The following TRHDE variants were observed in gnomAD, a reference collection of about 807,000 sequenced individuals.
TRHDE encodes the protein thyrotropin-releasing hormone-degrading ectoenzyme.
Under a neutral mutation model 125.7 loss-of-function variants are expected in TRHDE, and 72 were observed. That is an observed-to-expected ratio of 0.57 (90% CI 0.47 to 0.70). The LOEUF (loss-of-function observed/expected upper bound fraction) is 0.70. Among genes scored for constraint, TRHDE ranks in the 30% least tolerant of loss-of-function variants. The probability of loss-of-function intolerance (pLI) is 0.00; values close to 1 mark genes in which losing one functional copy is unlikely to be tolerated. For synonymous variants in TRHDE, 509 were observed against 509.1 expected (o/e 1.00, Z 0.00); for missense variants, 1,110 against 1,327.1 (o/e 0.84, Z 2.54).
intron 2 of TRHDE, among the ~76,000 whole-genome samples, chr12:72,181,264 T>C (rs905665038): frequency 4.6e-5 from 7 of 152,124 alleles, no homozygotes; most frequent in African/African-American, 1.7e-4. Context: ...TTAAAATGCT[T>C]TCTACGCAGA....
At position 72,093,939 on chromosome 12, in the gene TRHDE, C is replaced by T. The variant is rs531541932; in HGVS notation, n.174+6500C>T. On this transcript the variant is annotated intron_variant and non_coding_transcript_variant, in intron 1 of 4. Coordinates refer to the TRHDE transcript ENST00000548156. ...GCATTGGTATCTGTATTTGAAGGAG[C>T]AAATGTCTTTTCCAGTTTTACAGAC... is the stretch of plus-strand genomic sequence containing the variant. 9.2e-5 allele frequency among the ~76,000 whole-genome samples: 14 copies of T among 152,244 alleles called. No individual in the cohort carries two copies. The South Asian group carries it at 2.9e-3, about 32-fold the overall frequency.
chr12:72,404,497 A>G (rs911383397), intron 3 of TRHDE, among the ~76,000 whole-genome samples: 4 of 152,208 alleles, frequency 2.6e-5, no homozygotes, highest in Admixed American at 2.6e-4. Context: ...GATTTGTTAT[A>G]AAGGAAAGAG....
rs533129658 is a variant in TRHDE at position 72,460,310 on chromosome 12, G to A, written c.1316-9448G>A. ...ATGATGGGTAGAGAGGATCAGTAAT[G>A]TGCTGGGGCAGAATTGAGTTCATGT... On this transcript the variant is annotated intron_variant, in intron 3 of 18. Transcript: ENST00000261180. Among the ~76,000 whole-genome samples, 13 of 152,310 alleles carry A rather than the reference G, an allele frequency of 8.5e-5. No individual in the cohort carries two copies. In the East Asian group the frequency reaches 2.3e-3, roughly 27 times the overall value.
chr12:72,544,829 C>A (rs185829273), intron 7 of TRHDE, among the ~76,000 whole-genome samples: 39 of 151,500 alleles, frequency 2.6e-4, no homozygotes, highest in Admixed American at 1.9e-3. Flanking sequence ...TGGGTTAGTT[C>A]ACATACTCAT....
intron 2 of TRHDE, among the ~76,000 whole-genome samples, chr12:72,162,117 T>C (rs1356359348): frequency 6.6e-6 from 1 of 152,204 alleles, no homozygotes; most frequent in Non-Finnish European, 1.5e-5. Context: ...ATCACTGTGA[T>C]TTTTGAAGTG....
intron 1 of TRHDE, among the ~76,000 whole-genome samples, chr12:72,285,000 A>T (rs927802801): frequency 6.6e-6 from 1 of 152,326 alleles, no homozygotes; most frequent in South Asian, 2.1e-4. Context: ...GCTATTTCCA[A>T]GATAACTCTC....
chr12:72,371,129 G>A (rs1003856709), intron 2 of TRHDE, among the ~76,000 whole-genome samples: 1 of 152,000 alleles, frequency 6.6e-6, no homozygotes, highest in Non-Finnish European at 1.5e-5. Flanking sequence ...TGTTGTCATA[G>A]TACATATTGT....
intron 3 of TRHDE, among the ~76,000 whole-genome samples, chr12:72,462,927 G>T (rs997049414): frequency 3.3e-5 from 5 of 152,160 alleles, no homozygotes. Context: ...ACAGAGTAAG[G>T]ACTCAACAAA....
At chr12:72,214,159 A>G (rs573507818) in intron 2 of TRHDE, among the ~76,000 whole-genome samples, 5 of 152,096 alleles carry the variant, frequency 3.3e-5, no homozygotes, top group Non-Finnish European at 7.4e-5. Flanking sequence ...TCTGGCTAAC[A>G]TTTTTTAGAG....
At chr12:72,219,288 G>A (rs1186526464) in intron 2 of TRHDE, among the ~76,000 whole-genome samples, 6 of 151,896 alleles carry the variant, frequency 4.0e-5, no homozygotes, top group Non-Finnish European at 8.8e-5. Context: ...TGAGAATATA[G>A]CTGCTTGAAG....
chr12:72,387,532 T>G (rs941343261), intron 3 of TRHDE, among the ~76,000 whole-genome samples: 2 of 152,188 alleles, frequency 1.3e-5, no homozygotes, highest in Admixed American at 6.5e-5. Context: ...AGAGTTTTTG[T>G]GAGGGATGTT....
At chr12:72,440,705 C>A (rs139880215) in intron 3 of TRHDE, among the ~76,000 whole-genome samples, 1 of 151,850 alleles carries the variant, frequency 6.6e-6, no homozygotes, top group African/African-American at 2.4e-5. Flanking sequence ...CAATAGGTAG[C>A]CTGGCTCTAG....
chr12:72,604,462 AATT>A (rs961158607), intron 12 of TRHDE, among the ~76,000 whole-genome samples: 11 of 152,066 alleles, frequency 7.2e-5, no homozygotes, highest in African/African-American at 7.2e-5. Context: ...TTCTTGAGAA[AATT>A]ATTATTGTTA....
chr12:72,157,086 A>G (rs904876516), intron 2 of TRHDE, among the ~76,000 whole-genome samples: 2 of 152,048 alleles, frequency 1.3e-5, no homozygotes, highest in African/African-American at 4.8e-5. Context: ...GGCAGAGGAA[A>G]TGGCAGGATC....
At chr12:72,569,901 G>T in intron 10 of TRHDE, among the ~76,000 whole-genome samples, 1 of 151,970 alleles carries the variant, frequency 6.6e-6, no homozygotes, top group South Asian at 2.1e-4. Context: ...TGTATTATTT[G>T]ATTTTGTATT....
intron 3 of TRHDE, among the ~76,000 whole-genome samples, chr12:72,446,148 TTC>T (rs1194222445): frequency 2.4e-4 from 31 of 127,220 alleles, no homozygotes; most frequent in African/African-American, 1.1e-3. Flanking sequence ...GATTGTGCAT[TTC>T]TTTTTTTTTT....
chr12:72,341,671 T>C (rs1870092699), intron 2 of TRHDE, among the ~76,000 whole-genome samples: 1 of 152,074 alleles, frequency 6.6e-6, no homozygotes, highest in South Asian at 2.1e-4. Context: ...GTTCTAAAAT[T>C]AGTGCATTAA....
chr12:72,549,053 G>A (rs1302064280), intron 7 of TRHDE, among the ~76,000 whole-genome samples: 1 of 151,834 alleles, frequency 6.6e-6, no homozygotes, highest in East Asian at 1.9e-4. Flanking sequence ...ACAACAAGAT[G>A]TTTGGCTCCA....
chr12:72,113,426 A>G (rs1015935684), intron 2 of TRHDE, among the ~76,000 whole-genome samples: 9 of 150,964 alleles, frequency 6.0e-5, no homozygotes, highest in African/African-American at 2.2e-4. Flanking sequence ...GGAGTTCGAG[A>G]CCAGCCTGGC....
Sources: gnomAD v4.1 joint callset for allele counts (sites outside exome capture counted in the v4.1 genomes callset) on GRCh38, gnomAD v4.1.1 for gene constraint, MANE v1.5 for transcripts, NCBI Gene and HGNC (gene_info 2026-07-23, HGNC 2026-07-21) for gene names.